The following NXN variants were observed in gnomAD, a reference collection of about 807,000 sequenced individuals.
NXN encodes the protein nucleoredoxin 1.
NXN carries 16 observed loss-of-function variants against 48.6 expected under a neutral mutation model. The ratio of observed to expected loss-of-function variants is 0.33; its 90% confidence interval spans 0.22 to 0.50. The LOEUF (loss-of-function observed/expected upper bound fraction) is 0.50, where lower values mean the gene tolerates loss of function less well. Among genes scored for constraint, NXN ranks in the 20% least tolerant of loss-of-function variants. NXN has a pLI of 0.98. For synonymous variants in NXN, 281 were observed against 269.6 expected, an observed-to-expected ratio of 1.04 and a Z score of -0.41; for missense variants, 492 against 605.5, an observed-to-expected ratio of 0.81 and a Z score of 1.97.
chr17:818,839 C>G (rs1234686127), intron 5 of NXN, among the ~76,000 whole-genome samples: 1 of 150,806 alleles, frequency 6.6e-6, no homozygotes, highest in Non-Finnish European at 1.5e-5. Flanking sequence ...GAGCGGAGAT[C>G]GCACCACTGC....
intron 1 of NXN, among the ~76,000 whole-genome samples, chr17:938,496 A>G (rs1205437761): frequency 1.3e-5 from 2 of 149,906 alleles, no homozygotes; most frequent in Non-Finnish European, 2.9e-5. Flanking sequence ...CCCAGCCAAC[A>G]TGGCGAAACC....
At chr17:938,518 T>TA (rs143134306) in intron 1 of NXN, among the ~76,000 whole-genome samples, 1 of 149,430 alleles carries the variant, frequency 6.7e-6, no homozygotes, top group Non-Finnish European at 1.5e-5. Context: ...CCGTCTCTAC[T>TA]AAAAAAATAC....
chr17:954,043 A>G (rs936822568), intron 1 of NXN, among the ~76,000 whole-genome samples: 1 of 152,216 alleles, frequency 6.6e-6, no homozygotes, highest in African/African-American at 2.4e-5. Flanking sequence ...AGTACTTGAA[A>G]GCACACCAAG....
intron 1 of NXN, among the ~76,000 whole-genome samples, chr17:939,603 C>T (rs1407853277): frequency 2.0e-5 from 3 of 152,156 alleles, no homozygotes; most frequent in Admixed American, 6.6e-5. Flanking sequence ...ACCTTGGCCT[C>T]CCAAAGTGCT....
intron 1 of NXN, among the ~76,000 whole-genome samples, chr17:841,466 ACACGGGCGAGCAGGTCCCCCC>A (rs1914233441): frequency 7.6e-6 from 1 of 131,908 alleles, no homozygotes; most frequent in Non-Finnish European, 1.7e-5. Context: ...GGCGCATCTC[ACACGGGCGAGCAGGTCCCCCC>A]TGACCACGGC....
At chr17:935,515 A>C (rs1047630935) in intron 1 of NXN, among the ~76,000 whole-genome samples, 1 of 152,152 alleles carries the variant, frequency 6.6e-6, no homozygotes, top group African/African-American at 2.4e-5. Context: ...AGACCAAGAC[A>C]CTTCAGGATC....
chr17:889,046 T>TA, intron 1 of NXN, among the ~76,000 whole-genome samples: 1 of 151,630 alleles, frequency 6.6e-6, no homozygotes, highest in Admixed American at 6.6e-5. Context: ...CTGGGGGTTC[T>TA]AAGCCTTACA....
rs895428669 is a variant in NXN, at chr17:823,699, T to C, written c.545A>G (p.Asn182Ser). ...EVIAGPLLRN[N>S]GQSLESSSLE... is the part of the protein sequence containing the mutation. The stretch of plus-strand genomic sequence containing the variant: ...GCTGCTGCTCTCCAGAGACTGCCCA[T>C]TGTTTCTAAGCAAGGGCCCTGCAAT... Residue 182 changes from asparagine (N) to serine (S), a missense_variant, in exon 3 of 8, where the codon AAT (asparagine) becomes AGT (serine). By Grantham distance (46) the Asn-to-Ser change is conservative. Transcript: ENST00000336868. 5.6e-6 allele frequency: 9 copies of C among 1,614,030 alleles called. No homozygotes were observed. Among genetic ancestry groups the C allele is most frequent in the African/African-American group, 1.3e-5 (1 of 74,914 alleles).
intron 1 of NXN, among the ~76,000 whole-genome samples, chr17:959,828 C>T (rs1453659193): frequency 9.7e-5 from 14 of 144,566 alleles, no homozygotes; most frequent in African/African-American, 3.6e-4. Context: ...TGTGGTGGCT[C>T]ATGCCTGTAA....
chr17:856,721 C>T (rs2067990304), intron 1 of NXN, among the ~76,000 whole-genome samples: 1 of 151,948 alleles, frequency 6.6e-6, no homozygotes, highest in Non-Finnish European at 1.5e-5. Flanking sequence ...AACTCCTGGC[C>T]ACAGGTGATC....
At position 956,567 on chromosome 17, in the gene NXN, C is replaced by A. The variant is rs1055139293; in HGVS notation, c.360+22752G>T. 6.6e-6 allele frequency among the ~76,000 whole-genome samples: 1 copy of A among 152,142 alleles called. No individual in the cohort carries two copies. Among genetic ancestry groups the A allele is most frequent in the African/African-American group, 2.4e-5 (1 of 41,428 alleles). On this transcript the variant is annotated intron_variant, in intron 1 of 7. Coordinates refer to ENST00000336868, the MANE Select transcript of NXN (RefSeq NM_022463.5). This position sits in a 1 kb window ranked among gnomAD's most constrained non-coding sequence, Gnocchi z 4.1. ...TAGCTGGGACTACAGGCGCCCGCCA[C>A]CACGTCCGGCTAATTTTTTGTATTT... is the stretch of plus-strand genomic sequence containing the variant.
chr17:950,137 G>A (rs1258946814), intron 1 of NXN, among the ~76,000 whole-genome samples: 1 of 152,166 alleles, frequency 6.6e-6, no homozygotes, highest in African/African-American at 2.4e-5. Context: ...ACACATCCAT[G>A]GGTCACAGCA....
chr17:872,643 G>A (rs953123417), intron 1 of NXN, among the ~76,000 whole-genome samples: 5 of 129,506 alleles, frequency 3.9e-5, no homozygotes, highest in East Asian at 2.3e-4. Flanking sequence ...TTTTTGAGAC[G>A]GAGTTTCCCT....
At chr17:929,161 G>T (rs566698627) in intron 1 of NXN, among the ~76,000 whole-genome samples, 2 of 152,332 alleles carry the variant, frequency 1.3e-5, no homozygotes, top group East Asian at 3.9e-4. Context: ...AGCTGGCAAC[G>T]TCGGCCTTCA....
At chr17:810,625 C>T (rs1348626985) in intron 5 of NXN, among the ~76,000 whole-genome samples, 1 of 152,182 alleles carries the variant, frequency 6.6e-6, no homozygotes, top group Non-Finnish European at 1.5e-5. Flanking sequence ...CACGGTGGCT[C>T]ACACCTGTAA....
intron 1 of NXN, among the ~76,000 whole-genome samples, chr17:852,684 A>G (rs1027878740): frequency 1.3e-5 from 2 of 152,156 alleles, no homozygotes; most frequent in African/African-American, 2.4e-5. Flanking sequence ...TCTCTGAGTC[A>G]GCCCGGGCTA....
rs139855429 is a variant in NXN, at chr17:826,019, G to A, written c.420C>T (p.Ala140=). The A allele has an allele frequency of 2.4e-5, 38 of 1,613,944 alleles. No individual in the cohort carries two copies. Among genetic ancestry groups the A allele is most frequent in the Non-Finnish European group, 3.1e-5 (36 of 1,179,992 alleles). ...SNIPSLIFLD[A]TTGKVVCRNG... Reference sequence around the variant, plus strand: ...TCCTGCACACAACCTTCCCAGTGGTGGCGTCGAGGAATATTAGTGATGGAA... The same window carrying A: ...TCCTGCACACAACCTTCCCAGTGGTAGCGTCGAGGAATATTAGTGATGGAA... Residue 140 remains alanine, a synonymous_variant, in exon 2 of 8, where the codon GCC becomes GCT. Coordinates refer to ENST00000336868, the MANE Select transcript of NXN (RefSeq NM_022463.5).
chr17:939,538 G>T (rs1175123730), intron 1 of NXN, among the ~76,000 whole-genome samples: 1 of 152,102 alleles, frequency 6.6e-6, no homozygotes, highest in Admixed American at 6.5e-5. Context: ...TAGAGATGGG[G>T]TTTCACCATG....
chr17:909,023 T>G (rs2144916481), intron 1 of NXN, among the ~76,000 whole-genome samples: 1 of 143,504 alleles, frequency 7.0e-6, no homozygotes, highest in South Asian at 2.3e-4. Context: ...TGCTTGAACC[T>G]GGGAGGCAGA....
Sources: gnomAD v4.1 joint callset for allele counts (sites outside exome capture counted in the v4.1 genomes callset) on GRCh38, gnomAD v4.1.1 for gene constraint, Gnocchi (gnomAD v3.1) non-coding constraint, MANE v1.5 for transcripts, NCBI Gene and HGNC (gene_info 2026-07-23, HGNC 2026-07-21) for gene names.